The following XIRP2 variants were observed in gnomAD, a reference collection of about 807,000 sequenced individuals.
XIRP2 encodes xin actin-binding repeat-containing protein 2.
XIRP2 carries 236 observed loss-of-function variants against 277.0 expected under a neutral mutation model. The observed-to-expected ratio is 0.85, with a 90% CI of 0.77 to 0.95. XIRP2 has a LOEUF of 0.95. Ranked by LOEUF, XIRP2 falls within the 40% of genes least tolerant of loss-of-function variation. The probability of loss-of-function intolerance (pLI) is 0.00; values close to 1 mark genes in which losing one functional copy is unlikely to be tolerated. For synonymous variants in XIRP2, 1,490 were observed against 1,416.5 expected, an observed-to-expected ratio of 1.05 and a Z score of -1.17; for missense variants, 4,640 against 4,157.5, an observed-to-expected ratio of 1.12 and a Z score of -3.19.
chr2:167,007,252 A>C (rs566321773), intron 2 of XIRP2, among the ~76,000 whole-genome samples: 1 of 151,900 alleles, frequency 6.6e-6, no homozygotes, highest in East Asian at 1.9e-4. Flanking sequence ...AATTGGGGTT[A>C]AGTCACCAAT....
intron 4 of XIRP2, among the ~76,000 whole-genome samples, chr2:167,212,897 A>AC (rs1305310191): frequency 2.1e-4 from 5 of 23,722 alleles, no homozygotes; most frequent in Admixed American, 5.9e-4. Context: ...CCACCCCCCC[A>AC]CCCCCCCACC....
At chr2:166,988,619 G>T (rs1334129664) in intron 2 of XIRP2, among the ~76,000 whole-genome samples, 3 of 127,274 alleles carry the variant, frequency 2.4e-5, no homozygotes, top group African/African-American at 9.5e-5. Flanking sequence ...CACCGTGCGC[G>T]AGCCGAAGCA....
intron 2 of XIRP2, among the ~76,000 whole-genome samples, chr2:167,117,799 A>G (rs1690936940): frequency 1.3e-5 from 2 of 151,990 alleles, no homozygotes; most frequent in South Asian, 4.2e-4. Context: ...AAGATGTTGA[A>G]TTTTTTTCCC....
In XIRP2 at chr2:167,084,562, A is replaced by T. The variant is rs1689863813; in HGVS notation, c.409-51347A>T. On this transcript the variant is annotated intron_variant, in intron 2 of 10. Transcript: ENST00000409195. ...TCTGGTAGAATTCGGCTGTGAATCC[A>T]TCTGGTCCTGGAGTCTTTTTGGTTG... Among the ~76,000 whole-genome samples, 3 of 151,862 alleles carry T rather than the reference A, an allele frequency of 2.0e-5. No homozygotes were observed. The South Asian group carries it at 6.2e-4, about 32-fold the overall frequency.
At chr2:166,935,272 A>C (rs887450313) in intron 2 of XIRP2, among the ~76,000 whole-genome samples, 1 of 152,232 alleles carries the variant, frequency 6.6e-6, no homozygotes, top group Admixed American at 6.5e-5. Context: ...ATGTTATAAA[A>C]ATGCAATATT....
chr2:167,244,637 A>C lies in XIRP2; in HGVS notation c.3245A>C (p.Gln1082Pro). 6.2e-7 allele frequency: 1 copy of C among 1,613,352 alleles called. No individual in the cohort carries two copies. Among genetic ancestry groups the C allele is most frequent in the Non-Finnish European group, 8.5e-7 (1 of 1,179,662 alleles). Residue 1082 changes from glutamine to proline, a missense_variant, in exon 9 of 11, where the codon CAA becomes CCA. Transcript: ENST00000409195. Reference sequence around the variant, plus strand: ...GAAGAAACAGAAAGTAAAACTGAACAAACTAGAGATATTGTTAAAGGGGAT... The same window carrying C: ...GAAGAAACAGAAAGTAAAACTGAACCAACTAGAGATATTGTTAAAGGGGAT... Reference protein sequence around the residue: ...DVEETESKTEQTRDIVKGDVK... With the variant: ...DVEETESKTEPTRDIVKGDVK...
rs538465115 is a variant in XIRP2, at chr2:166,933,475, T to G, written c.408+29585T>G. Among the ~76,000 whole-genome samples the G allele has an allele frequency of 2.6e-5, 4 of 151,958 alleles. No homozygotes were observed. The East Asian group carries it at 7.8e-4, about 30-fold the overall frequency. Reference sequence around the variant, plus strand: ...ACTTATATATCAATTTAAGAGGAATTTACATCTCAAAATATTAAATCTCTT... The same window carrying G: ...ACTTATATATCAATTTAAGAGGAATGTACATCTCAAAATATTAAATCTCTT... On this transcript the variant is annotated intron_variant, in intron 2 of 10. Coordinates refer to ENST00000409195, the MANE Select transcript of XIRP2 (RefSeq NM_152381.6).
rs1559039856 is a variant in XIRP2, at chr2:167,245,459, CA to C, written c.4070del (p.Lys1357SerfsTer3). The stretch of plus-strand genomic sequence containing the variant: ...CGAGGAACAAGGTGGCTTTTTGAAA[CA>C]AAGCCATTAGACTCTATTAATAAAT... Reference protein sequence around the residue: ...DVRGTRWLFETKPLDSINKSE... With the variant: ...DVRGTRWLFEXKPLDSINKSE... On this transcript the variant is annotated frameshift_variant, in exon 9 of 11. Transcript: ENST00000409195. LOFTEE classifies it high-confidence loss of function. The C allele has an allele frequency of 3.1e-6, 5 of 1,613,490 alleles. No homozygotes were observed. The highest frequency in any genetic ancestry group is 4.2e-6 in the Non-Finnish European group (5 of 1,179,694).
At chr2:167,208,494 G>C (rs1409848665) in intron 3 of XIRP2, among the ~76,000 whole-genome samples, 1 of 152,104 alleles carries the variant, frequency 6.6e-6, no homozygotes, top group Admixed American at 6.6e-5. Context: ...TTTTTTAGTA[G>C]AGACGGGGTT....
chr2:167,200,445 G>A (rs1240352283), intron 3 of XIRP2, among the ~76,000 whole-genome samples: 2 of 152,184 alleles, frequency 1.3e-5, no homozygotes, highest in Non-Finnish European at 2.9e-5. Context: ...TTAAGGGGGC[G>A]GGGTGGAAAG....
chr2:166,997,990 A>G (rs749383915), intron 2 of XIRP2, among the ~76,000 whole-genome samples: 32 of 152,140 alleles, frequency 2.1e-4, no homozygotes, highest in Non-Finnish European at 4.6e-4. Context: ...TATACATCAC[A>G]TAGAGTTACA....
At chr2:167,162,850 C>T (rs1692411808) in intron 3 of XIRP2, among the ~76,000 whole-genome samples, 1 of 152,134 alleles carries the variant, frequency 6.6e-6, no homozygotes, top group Admixed American at 6.5e-5. Flanking sequence ...CCAGAAGTAA[C>T]CACAATCTGA....
At chr2:166,958,068 T>C (rs1201557109) in intron 2 of XIRP2, among the ~76,000 whole-genome samples, 1 of 151,796 alleles carries the variant, frequency 6.6e-6, no homozygotes, top group Admixed American at 6.6e-5. Flanking sequence ...TAAGAGTGGT[T>C]TATATTTGCC....
intron 3 of XIRP2, among the ~76,000 whole-genome samples, chr2:167,156,421 C>T (rs944167699): frequency 1.3e-5 from 2 of 152,126 alleles, no homozygotes; most frequent in African/African-American, 2.4e-5. Flanking sequence ...GTTTTAACAG[C>T]AATTTAAAAC....
Position 166,916,756 on chromosome 2 carries a change from A to G in XIRP2, c.408+12866A>G, listed in dbSNP as rs564065269. Among the ~76,000 whole-genome samples the G allele has an allele frequency of 4.9e-4, 74 of 152,286 alleles. 1 individual carries two copies. In the South Asian group the frequency reaches 0.015, roughly 31 times the overall value. On this transcript the variant is annotated intron_variant, in intron 2 of 10. Coordinates refer to ENST00000409195, the MANE Select transcript of XIRP2 (RefSeq NM_152381.6). ...TTTCTTTTCAGCATGGCATATGAGA[A>G]CTTAACATTTGATGACAAAAGTTCA...
intron 2 of XIRP2, among the ~76,000 whole-genome samples, chr2:166,975,819 G>A (rs1421688318): frequency 4.0e-5 from 6 of 150,850 alleles, no homozygotes; most frequent in Non-Finnish European, 7.4e-5. Flanking sequence ...CCAGCTACTC[G>A]GGAGGCTGAG....
rs76208066 is a variant in XIRP2 at position 167,237,994 on chromosome 2, G to A, written c.859-1861G>A. On this transcript the variant is annotated intron_variant, in intron 5 of 10. Transcript: ENST00000409195. ...CTCAAATAAAACTTGATTATGCAAG[G>A]CACCTTGTTATATGGAATTCTGATT... is the stretch of plus-strand genomic sequence containing the variant. Among the ~76,000 whole-genome samples, 353 of 152,224 alleles carry A rather than the reference G, an allele frequency of 2.3e-3. 1 individual carries two copies. Among genetic ancestry groups the A allele is most frequent in the Non-Finnish European group, 4.4e-3 (298 of 68,014 alleles).
At chr2:167,166,280 G>C (rs1477424125) in intron 3 of XIRP2, among the ~76,000 whole-genome samples, 3 of 151,802 alleles carry the variant, frequency 2.0e-5, no homozygotes, top group African/African-American at 4.8e-5. Context: ...ATTTCATTCT[G>C]TTATTAATTT....
chr2:167,218,199 G>C lies in XIRP2; in HGVS notation c.757G>C (p.Gly253Arg). 1 of 1,605,880 alleles carries C rather than the reference G, an allele frequency of 6.2e-7. No homozygotes were observed. ...MEESEMCAVP[G>R]GLAKVKKQFE... is the part of the protein sequence containing the mutation. Reference sequence around the variant, plus strand: ...AGAATCAGAAATGTGCGCAGTGCCTGGTGGTTTGGCCAAGGTGAAGAAACA... The same window carrying C: ...AGAATCAGAAATGTGCGCAGTGCCTCGTGGTTTGGCCAAGGTGAAGAAACA... Residue 253 changes from glycine to arginine, a missense_variant, in exon 5 of 11, where the codon GGT becomes CGT. Physicochemically the swap from Gly to Arg is moderately radical, Grantham distance 125. Coordinates refer to ENST00000409195, the MANE Select transcript of XIRP2 (RefSeq NM_152381.6).
Sources: allele counts gnomAD v4.1 joint callset (sites outside exome capture counted in the v4.1 genomes callset), GRCh38; gene constraint gnomAD v4.1.1; transcripts MANE v1.5; gene names NCBI Gene and HGNC (gene_info 2026-07-23, HGNC 2026-07-21).